RBFOX1: variants seen among roughly 807,000 people sequenced by gnomAD.
RBFOX1 encodes RNA binding protein fox-1 homolog 1.
In RBFOX1, 8 loss-of-function variants were observed where a neutral mutation model predicts 57.7. The ratio of observed to expected loss-of-function variants is 0.14; its 90% CI spans 0.08 to 0.25. The LOEUF (loss-of-function observed/expected upper bound fraction) is 0.25, where lower values mean the gene tolerates loss of function less well. Ranked by LOEUF, RBFOX1 falls within the 10% of genes least tolerant of loss-of-function variation. The pLI, the probability that RBFOX1 is intolerant of heterozygous loss-of-function variation, is 1.00. For synonymous variants in RBFOX1, 326 were observed against 222.4 expected, an observed-to-expected ratio of 1.47 and a Z score of -4.15; for missense variants, 611 against 548.5, an observed-to-expected ratio of 1.11 and a Z score of -1.14.
At chr16:5,482,616 G>A (rs1039837158) in intron 2 of RBFOX1, among the ~76,000 whole-genome samples, 6 of 152,162 alleles carry the variant, frequency 3.9e-5, no homozygotes, top group East Asian at 3.9e-4. Flanking sequence ...TTCTGAGGCC[G>A]CATTCAGGTT....
chr16:6,629,253 C>T (rs976183825), intron 2 of RBFOX1, among the ~76,000 whole-genome samples: 3 of 152,188 alleles, frequency 2.0e-5, no homozygotes, highest in Admixed American at 1.3e-4. Flanking sequence ...AAGGTAACCT[C>T]ATCCCATTAG....
chr16:6,722,804 C>T (rs1051880158), intron 3 of RBFOX1, among the ~76,000 whole-genome samples: 1 of 152,258 alleles, frequency 6.6e-6, no homozygotes, highest in African/African-American at 2.4e-5. Flanking sequence ...TTTATCTCAG[C>T]GGCCAGATGG....
intron 1 of RBFOX1, among the ~76,000 whole-genome samples, chr16:6,231,874 A>G (rs1164055741): frequency 7.1e-6 from 1 of 139,938 alleles, no homozygotes; most frequent in Non-Finnish European, 1.5e-5. Flanking sequence ...TTAAAAATGC[A>G]GCAATAATTG....
At chr16:5,622,607 C>A (rs2048232546) in intron 3 of RBFOX1, among the ~76,000 whole-genome samples, 1 of 152,168 alleles carries the variant, frequency 6.6e-6, no homozygotes, top group African/African-American at 2.4e-5. Context: ...AAACTTCAGC[C>A]CATAGGCCAA....
At position 6,592,083 on chromosome 16, in the gene RBFOX1, T is replaced by G. The variant is rs186062745; in HGVS notation, c.-63-62520T>G. ...TGTGAAATTGGAGATTTGGAGACTT[T>G]AGACACACGTTCCAATGTCAGGGTA... On this transcript the variant is annotated intron_variant, in intron 2 of 15. Transcript: ENST00000550418. 4.6e-5 allele frequency among the ~76,000 whole-genome samples: 7 copies of G among 152,320 alleles called. No individual in the cohort carries two copies. The East Asian group carries it at 1.4e-3, about 29-fold the overall frequency.
chr16:6,153,646 C>A (rs1336456021), intron 1 of RBFOX1, among the ~76,000 whole-genome samples: 2 of 152,228 alleles, frequency 1.3e-5, no homozygotes, highest in East Asian at 3.9e-4. Flanking sequence ...AGTGATTCTC[C>A]TGTCTCAGCC....
At chr16:6,733,731 C>T (rs1445167854) in intron 3 of RBFOX1, among the ~76,000 whole-genome samples, 1 of 151,882 alleles carries the variant, frequency 6.6e-6, no homozygotes, top group Non-Finnish European at 1.5e-5. Context: ...GCACTCCAGC[C>T]CGGGCGAAAG....
intron 4 of RBFOX1, among the ~76,000 whole-genome samples, chr16:7,216,155 A>G (rs568866765): frequency 6.6e-6 from 1 of 152,282 alleles, no homozygotes; most frequent in African/African-American, 2.4e-5. Flanking sequence ...GTGTGGATAT[A>G]CCATGTTGTA....
Position 5,777,778 on chromosome 16 carries a change from A to G in RBFOX1, c.319-89525A>G, listed in dbSNP as rs559646377. 2.0e-5 allele frequency among the ~76,000 whole-genome samples: 3 copies of G among 152,314 alleles called. No individual in the cohort carries two copies. In the South Asian group the frequency reaches 6.2e-4, roughly 32 times the overall value. ...CTTCTTTAACTTACATTTCATTATTATTTGGCACAGGAGTAATACCCTCAC... is the reference window on the plus strand; with the variant it reads ...CTTCTTTAACTTACATTTCATTATTGTTTGGCACAGGAGTAATACCCTCAC... On this transcript the variant is annotated intron_variant, in intron 3 of 19. Transcript: ENST00000641259.
At chr16:6,273,401 A>G (rs1364943907) in intron 1 of RBFOX1, among the ~76,000 whole-genome samples, 2 of 139,402 alleles carry the variant, frequency 1.4e-5, no homozygotes, top group Non-Finnish European at 3.0e-5. Context: ...CTGGAGTGCA[A>G]TGACAAAATC....
intron 4 of RBFOX1, among the ~76,000 whole-genome samples, chr16:7,290,894 C>A (rs868562907): frequency 6.6e-6 from 1 of 152,182 alleles, no homozygotes; most frequent in African/African-American, 2.4e-5. Flanking sequence ...CCCAGCAATA[C>A]CCCTGTGAAG....
chr16:5,541,799 A>C (rs1406805500), intron 2 of RBFOX1, among the ~76,000 whole-genome samples: 1 of 152,198 alleles, frequency 6.6e-6, no homozygotes, highest in African/African-American at 2.4e-5. Context: ...GCTAAAACAA[A>C]ATCGTAATTG....
At chr16:7,406,391 A>G (rs1419258852) in intron 4 of RBFOX1, among the ~76,000 whole-genome samples, 1 of 152,110 alleles carries the variant, frequency 6.6e-6, no homozygotes, top group African/African-American at 2.4e-5. Context: ...CTTGTTCAGA[A>G]TACCTGGCTA....
At chr16:6,787,310 C>T (rs937857877) in intron 3 of RBFOX1, among the ~76,000 whole-genome samples, 1 of 152,162 alleles carries the variant, frequency 6.6e-6, no homozygotes, top group East Asian at 1.9e-4. Context: ...TTGGTCCTGC[C>T]ATGTTCGTGT....
At chr16:6,855,814 C>CCCTCCCT (rs1742023762) in intron 3 of RBFOX1, among the ~76,000 whole-genome samples, 1 of 150,716 alleles carries the variant, frequency 6.6e-6, no homozygotes, top group South Asian at 2.1e-4. Context: ...TTCTTCCCTT[C>CCCTCCCT]CTTCCTCCTT....
intron 3 of RBFOX1, among the ~76,000 whole-genome samples, chr16:5,787,016 A>G (rs1053868589): frequency 3.3e-5 from 5 of 152,174 alleles, no homozygotes; most frequent in Non-Finnish European, 5.9e-5. Context: ...GATGCCTGTA[A>G]TCTCAGCTCC....
At chr16:5,766,670 T>TC (rs113709787) in intron 3 of RBFOX1, among the ~76,000 whole-genome samples, 6 of 150,752 alleles carry the variant, frequency 4.0e-5, no homozygotes, top group Admixed American at 1.3e-4. Flanking sequence ...ACATGAGGGA[T>TC]CCCCCCCCAG....
intron 3 of RBFOX1, among the ~76,000 whole-genome samples, chr16:6,938,029 G>A (rs565331301): frequency 1.3e-5 from 2 of 151,968 alleles, no homozygotes; most frequent in East Asian, 3.9e-4. Context: ...ACGCAAGTCT[G>A]TAGAAATGGG....
intron 4 of RBFOX1, among the ~76,000 whole-genome samples, chr16:7,174,537 T>G (rs1443730506): frequency 6.6e-6 from 1 of 152,178 alleles, no homozygotes; most frequent in African/African-American, 2.4e-5. Context: ...TCCCAGCCCT[T>G]TGGGAGGCAG....
Sources: allele counts gnomAD v4.1 joint callset (sites outside exome capture counted in the v4.1 genomes callset), GRCh38; gene constraint gnomAD v4.1.1; transcripts MANE v1.5; gene names NCBI Gene and HGNC (gene_info 2026-07-23, HGNC 2026-07-21).